TANC1: variants seen among roughly 807,000 people sequenced by gnomAD.
TANC1 encodes tetratricopeptide repeat, ankyrin repeat and coiled-coil containing 1.
TANC1 carries 77 observed loss-of-function variants against 149.7 expected under a neutral mutation model. The observed-to-expected ratio is 0.51, with a 90% CI of 0.43 to 0.62. The LOEUF is 0.62. TANC1 is among the 20% of genes least tolerant of loss of function. The probability of loss-of-function intolerance (pLI) is 0.00; values close to 1 mark genes in which losing one functional copy is unlikely to be tolerated. For missense variants in TANC1, 1,985 were observed against 2,321.8 expected, an observed-to-expected ratio of 0.85 and a Z score of 2.98; for synonymous variants, 854 against 925.0, an observed-to-expected ratio of 0.92 and a Z score of 1.39.
At chr2:159,130,392 G>C (rs376054155) in intron 4 of TANC1, among the ~76,000 whole-genome samples, 25 of 152,304 alleles carry the variant, frequency 1.6e-4, no homozygotes, top group African/African-American at 5.5e-4. Flanking sequence ...AAGGTGCTGG[G>C]CAGTAGTTTT....
chr2:159,076,434 G>C (rs928909893), intron 3 of TANC1, among the ~76,000 whole-genome samples: 2 of 152,162 alleles, frequency 1.3e-5, no homozygotes, highest in African/African-American at 4.8e-5. Flanking sequence ...GAGTCATCAA[G>C]CCATCCACAG....
intron 16 of TANC1, 74 bp downstream of exon 16, chr2:159,187,098 T>C: frequency 6.4e-7 from 1 of 1,567,462 alleles, no homozygotes; most frequent in Non-Finnish European, 8.7e-7. Flanking sequence ...AACAGCCCTG[T>C]TTCCCTCTGC....
chr2:159,171,732 C>T (rs1006906570), intron 10 of TANC1, among the ~76,000 whole-genome samples: 1 of 151,794 alleles, frequency 6.6e-6, no homozygotes, highest in African/African-American at 2.4e-5. Flanking sequence ...TGGCGGGTGC[C>T]TGTAATCCCA....
At chr2:159,145,217 CA>C (rs1397732546) in intron 5 of TANC1, among the ~76,000 whole-genome samples, 1 of 152,090 alleles carries the variant, frequency 6.6e-6, no homozygotes, top group African/African-American at 2.4e-5. Context: ...AGTGAGTTTA[CA>C]AAAACCTATT....
At position 159,006,876 on chromosome 2, in the gene TANC1, C is replaced by G. The variant is rs183248063; in HGVS notation, c.-16+5687C>G. Among the ~76,000 whole-genome samples, 151 of 152,284 alleles carry G rather than the reference C, an allele frequency of 9.9e-4. 1 individual carries two copies. In the Middle Eastern group the frequency reaches 0.02, roughly 21 times the overall value. On this transcript the variant is annotated intron_variant, in intron 2 of 26. Coordinates refer to ENST00000263635, the MANE Select transcript of TANC1 (RefSeq NM_033394.3). ...AAATATTGGTGAGGTATCACAAACTCCTAAGGATTAAAGTGTCCCATTAGA... is the reference window on the plus strand; with the variant it reads ...AAATATTGGTGAGGTATCACAAACTGCTAAGGATTAAAGTGTCCCATTAGA...
chr2:159,225,800 C>T, intron 24 of TANC1, 21 bp downstream of exon 24: 2 of 1,589,884 alleles, frequency 1.3e-6, no homozygotes, highest in Non-Finnish European at 1.7e-6. Context: ...CCGCCCTTTT[C>T]TTTGCCATTG....
chr2:159,115,223 A>T (rs1186274979), intron 4 of TANC1, among the ~76,000 whole-genome samples: 1 of 151,468 alleles, frequency 6.6e-6, no homozygotes, highest in East Asian at 1.9e-4. Flanking sequence ...TGTGTGTGTC[A>T]TTGGAGGAGC....
chr2:159,225,971 C>G, intron 24 of TANC1, 192 bp downstream of exon 24: 1 of 617,836 alleles, frequency 1.6e-6, no homozygotes, highest in Non-Finnish European at 2.9e-6. Flanking sequence ...CACTTGAGGC[C>G]AGGAATTCCA....
chr2:158,991,177 G>A (rs1197864472), intron 1 of TANC1, among the ~76,000 whole-genome samples: 2 of 151,010 alleles, frequency 1.3e-5, no homozygotes, highest in Non-Finnish European at 2.9e-5. Context: ...CACTGTTACT[G>A]ATTAATAATA....
At chr2:159,128,929 C>T (rs142871153) in intron 4 of TANC1, among the ~76,000 whole-genome samples, 256 of 152,250 alleles carry the variant, frequency 1.7e-3, no homozygotes, top group African/African-American at 6.0e-3. Flanking sequence ...GATAAAGGTT[C>T]CCCCTGCCCC....
At chr2:159,070,895 A>G (rs1456918293) in intron 3 of TANC1, among the ~76,000 whole-genome samples, 6 of 152,200 alleles carry the variant, frequency 3.9e-5, no homozygotes, top group African/African-American at 1.4e-4. Context: ...TAGCGAGTAA[A>G]TGGCTCAGCT....
chr2:159,125,780 G>A (rs1055687666), intron 4 of TANC1, among the ~76,000 whole-genome samples: 2 of 152,088 alleles, frequency 1.3e-5, no homozygotes, highest in Non-Finnish European at 2.9e-5. Flanking sequence ...TAGAGATGGG[G>A]TTTCACCATG....
At chr2:159,209,678 G>GA in intron 19 of TANC1, among the ~76,000 whole-genome samples, 1 of 152,274 alleles carries the variant, frequency 6.6e-6, no homozygotes, top group East Asian at 1.9e-4. Flanking sequence ...TTAAAAAAAA[G>GA]AAAAAATCCT....
intron 18 of TANC1, among the ~76,000 whole-genome samples, chr2:159,197,985 C>T (rs1376762390): frequency 6.6e-6 from 1 of 152,222 alleles, no homozygotes; most frequent in Admixed American, 6.5e-5. Flanking sequence ...AGCCTTCCTT[C>T]TGAAGTCTCT....
At position 159,193,158 on chromosome 2, in the gene TANC1, C is replaced by G. The variant is rs78027871; in HGVS notation, c.2743-1099C>G. 3.9e-3 allele frequency among the ~76,000 whole-genome samples: 585 copies of G among 151,888 alleles called. 25 individuals are homozygous for G. The East Asian group carries it at 0.092, about 24-fold the overall frequency. ...TTCCCCTGTGCCCAGGCCCAGAAAC[C>G]TTCATTCTACTGTCTGTGAATTTGA... is the stretch of plus-strand genomic sequence containing the variant. On this transcript the variant is annotated intron_variant, in intron 16 of 26. Coordinates refer to ENST00000263635, the MANE Select transcript of TANC1 (RefSeq NM_033394.3).
chr2:159,017,343 A>G (rs1484904667), intron 2 of TANC1, among the ~76,000 whole-genome samples: 1 of 152,214 alleles, frequency 6.6e-6, no homozygotes, highest in Non-Finnish European at 1.5e-5. Context: ...TTGAATTACC[A>G]ATAGTATTTT....
At chr2:159,224,789 T>A in intron 23 of TANC1, 1 of 172,718 alleles carries the variant, frequency 5.8e-6, no homozygotes, top group Non-Finnish European at 1.3e-5. Context: ...GAAGTAGTAG[T>A]ATGATTTCAT....
chr2:159,129,983 A>C (rs2049907862), intron 4 of TANC1, among the ~76,000 whole-genome samples: 1 of 151,966 alleles, frequency 6.6e-6, no homozygotes. Context: ...CAGAATCTAC[A>C]TTTGAAGCCT....
rs17206971 is a variant in TANC1 at position 159,071,808 on chromosome 2, A to G, written c.61+5837A>G. Among the ~76,000 whole-genome samples the G allele has an allele frequency of 9.9e-3, 1,507 of 152,286 alleles. 12 individuals carry two copies. Among genetic ancestry groups the G allele is most frequent in the Middle Eastern group, 0.061 (18 of 294 alleles). Reference sequence around the variant, plus strand: ...CAGTGACTCTCTTGCTGAGCTATGGATATTTGGTATCTTCTTGTTAACATT... The same window carrying G: ...CAGTGACTCTCTTGCTGAGCTATGGGTATTTGGTATCTTCTTGTTAACATT... On this transcript the variant is annotated intron_variant, in intron 3 of 26. Transcript: ENST00000263635.
Sources: allele counts gnomAD v4.1 joint callset (sites outside exome capture counted in the v4.1 genomes callset), GRCh38; gene constraint gnomAD v4.1.1; transcripts MANE v1.5; gene names NCBI Gene and HGNC (gene_info 2026-07-23, HGNC 2026-07-21).